The following MAP1B variants were observed in gnomAD, a reference collection of about 807,000 sequenced individuals.
MAP1B encodes the protein microtubule associated protein 1B.
A neutral mutation model predicts 176.1 loss-of-function variants in MAP1B; 12 were observed. The observed-to-expected ratio is 0.07, with a 90% confidence interval of 0.04 to 0.11. The LOEUF is 0.11. MAP1B is among the 10% of genes least tolerant of loss of function. The pLI, the probability that MAP1B is intolerant of heterozygous loss-of-function variation, is 1.00. For synonymous variants in MAP1B, 1,044 were observed against 1,135.0 expected, an observed-to-expected ratio of 0.92 and a Z score of 1.61; for missense variants, 2,523 against 2,990.5, an observed-to-expected ratio of 0.84 and a Z score of 3.65.
At chr5:72,178,249 T>C (rs1265462002) in intron 2 of MAP1B, among the ~76,000 whole-genome samples, 2 of 152,178 alleles carry the variant, frequency 1.3e-5, no homozygotes, top group Non-Finnish European at 2.9e-5. Context: ...GTGATCCACC[T>C]GCCTCGGCCT....
Position 72,186,603 on chromosome 5 carries a change from C to G in MAP1B, c.370-11C>G, listed in dbSNP as rs754424957. On this transcript the variant is annotated splice_polypyrimidine_tract_variant and intron_variant, in intron 3 of 6. Coordinates refer to ENST00000296755, the MANE Select transcript of MAP1B (RefSeq NM_005909.5). The surrounding 1 kb of genome is among the most constrained non-coding windows in gnomAD (Gnocchi z 4.3). ...CATGGCTCAGGGCCTACGTTCTGTG[C>G]TTTATTTCAGGTGCGCTTAATGATC... 6 of 1,613,668 alleles carry G rather than the reference C, an allele frequency of 3.7e-6. No individual in the cohort carries two copies. Among genetic ancestry groups the G allele is most frequent in the Admixed American group, 3.3e-5 (2 of 60,026 alleles).
intron 2 of MAP1B, among the ~76,000 whole-genome samples, chr5:72,161,956 C>CAAAAAAAAA (rs4043357): frequency 1.8e-4 from 15 of 84,990 alleles, no homozygotes; most frequent in African/African-American, 3.5e-4. Flanking sequence ...AATTCCGTCT[C>CAAAAAAAAA]AAAAAAAAAA....
intron 2 of MAP1B, among the ~76,000 whole-genome samples, chr5:72,128,492 C>A (rs554946031): frequency 6.6e-6 from 1 of 151,692 alleles, no homozygotes; most frequent in African/African-American, 2.4e-5. Context: ...CTAGGTTATT[C>A]GAAGAAAATA....
chr5:72,201,966 A>T (rs1747341731), intron 5 of MAP1B, among the ~76,000 whole-genome samples: 1 of 152,230 alleles, frequency 6.6e-6, no homozygotes, highest in Non-Finnish European at 1.5e-5. Context: ...ATCCATTTAA[A>T]CAGATAAAAC....
chr5:72,197,535 G>A lies in MAP1B; in HGVS notation c.4180G>A (p.Val1394Ile). Residue 1394 changes from valine (V) to isoleucine (I), a missense_variant, in exon 5 of 7, where the codon GTT becomes ATT. Coordinates refer to ENST00000296755, the MANE Select transcript of MAP1B (RefSeq NM_005909.5). ...TGACTCAGAGTCTCCTATTGAAAAA[G>A]TTTTGTCTCCTTTACGCAGCCCGCC... The part of the protein sequence containing the change: ...VPDSESPIEK[V>I]LSPLRSPPLI... 6.2e-7 allele frequency: 1 copy of A among 1,614,160 alleles called. No individual in the cohort carries two copies. Among genetic ancestry groups the A allele is most frequent in the Non-Finnish European group, 8.5e-7 (1 of 1,180,012 alleles).
chr5:72,109,634 G>A (rs1029778907), intron 1 of MAP1B, among the ~76,000 whole-genome samples: 2 of 152,216 alleles, frequency 1.3e-5, no homozygotes, highest in African/African-American at 2.4e-5. Flanking sequence ...GGGGCCCAGA[G>A]AGGCAGGAAG....
At position 72,186,580 on chromosome 5, in the gene MAP1B, T is replaced by C; in HGVS notation, c.370-34T>C. ...GAAGGTGGGATGGCAGCACTGCCCA[T>C]GGCTCAGGGCCTACGTTCTGTGCTT... On this transcript the variant is annotated intron_variant, in intron 3 of 6. Coordinates refer to ENST00000296755, the MANE Select transcript of MAP1B (RefSeq NM_005909.5). This position sits in a 1 kb window ranked among gnomAD's most constrained non-coding sequence, Gnocchi z 4.3. 6.2e-7 allele frequency: 1 copy of C among 1,609,848 alleles called. No individual in the cohort carries two copies. Among genetic ancestry groups the C allele is most frequent in the Non-Finnish European group, 8.5e-7 (1 of 1,177,890 alleles).
chr5:72,152,352 C>A (rs1197098918), intron 2 of MAP1B, among the ~76,000 whole-genome samples: 1 of 152,158 alleles, frequency 6.6e-6, no homozygotes, highest in Non-Finnish European at 1.5e-5. Flanking sequence ...CCGTTCACTC[C>A]CCTTCCTACC....
chr5:72,169,145 T>A (rs1297748017), intron 2 of MAP1B, among the ~76,000 whole-genome samples: 1 of 152,118 alleles, frequency 6.6e-6, no homozygotes, highest in Non-Finnish European at 1.5e-5. Context: ...CAAAATGAAA[T>A]CTAACGATGC....
In MAP1B at chr5:72,186,343, A is replaced by G. The variant is rs192257841; in HGVS notation, c.370-271A>G. Among the ~76,000 whole-genome samples the G allele has an allele frequency of 2.6e-4, 39 of 152,334 alleles. No individual in the cohort carries two copies. Among genetic ancestry groups the G allele is most frequent in the Admixed American group, 2.0e-3 (31 of 15,308 alleles). On this transcript the variant is annotated intron_variant, in intron 3 of 6. Transcript: ENST00000296755. This position sits in a 1 kb window ranked among gnomAD's most constrained non-coding sequence, Gnocchi z 4.3. ...GGAAACTAGGGGGAGAAAGTCAACTATCGCTACTGTCGTGATTGTAGAGAA... is the reference window on the plus strand; with the variant it reads ...GGAAACTAGGGGGAGAAAGTCAACTGTCGCTACTGTCGTGATTGTAGAGAA...
chr5:72,176,608 G>C (rs778734044), intron 2 of MAP1B, among the ~76,000 whole-genome samples: 2 of 152,200 alleles, frequency 1.3e-5, no homozygotes, highest in Non-Finnish European at 2.9e-5. Flanking sequence ...GCTGTGTTCT[G>C]GTGATGGACT....
At chr5:72,163,883 T>C (rs1746370814) in intron 2 of MAP1B, among the ~76,000 whole-genome samples, 1 of 151,658 alleles carries the variant, frequency 6.6e-6, no homozygotes. Flanking sequence ...ATATGACTTT[T>C]TTCTTTTTTC....
At chr5:72,113,100 A>T (rs1435655569) in intron 1 of MAP1B, among the ~76,000 whole-genome samples, 1 of 152,188 alleles carries the variant, frequency 6.6e-6, no homozygotes, top group African/African-American at 2.4e-5. Context: ...TGCAATATGA[A>T]CCTTCATTAA....
chr5:72,152,920 TG>T lies in MAP1B; in HGVS notation c.287-30821del, dbSNP rs538497209. ...GGCCTGCTGGGTCTGCTGGGCCTGC[TG>T]GAACAGGAAGCAGCAACGCAATTCC... is the stretch of plus-strand genomic sequence containing the variant. On this transcript the variant is annotated intron_variant, in intron 2 of 6. Transcript: ENST00000296755. Among the ~76,000 whole-genome samples the T allele has an allele frequency of 4.5e-4, 68 of 152,220 alleles. 1 individual carries two copies. The South Asian group carries it at 0.013, about 30-fold the overall frequency.
In MAP1B at chr5:72,205,137, G is replaced by T. The variant is rs374861413; in HGVS notation, c.7305G>T (p.Glu2435Asp). 1 of 1,613,760 alleles carries T rather than the reference G, an allele frequency of 6.2e-7. No homozygotes were observed. ...DSEVMREWYQ[E>D]THEKQQDLNI... ...AAGTGATGAGGGAATGGTACCAGGA[G>T]ACCCATGAGAAACAGCAAGATCTCA... The change falls in exon 7 of 7, where the codon GAG becomes GAT. Residue 2435 changes from glutamate (E) to aspartate (D), a missense_variant. Coordinates refer to ENST00000296755, the MANE Select transcript of MAP1B (RefSeq NM_005909.5).
At chr5:72,163,227 C>CAAAAAAA (rs10608907) in intron 2 of MAP1B, among the ~76,000 whole-genome samples, 17 of 78,136 alleles carry the variant, frequency 2.2e-4, no homozygotes, top group South Asian at 5.3e-4. Context: ...GACTCCATCT[C>CAAAAAAA]AAAAAAAAAA....
chr5:72,174,791 C>T (rs1356972457), intron 2 of MAP1B, among the ~76,000 whole-genome samples: 1 of 152,194 alleles, frequency 6.6e-6, no homozygotes. Context: ...GTCATTAGAG[C>T]TTAAGTAAGT....
chr5:72,196,748 C>T lies in MAP1B; in HGVS notation c.3393C>T (p.Thr1131=). Reference sequence around the variant, plus strand: ...CTATTGAGATATCCAGTGAGCCCACCCCCATGGATGAGATGTCTACCCCTC... The same window carrying T: ...CTATTGAGATATCCAGTGAGCCCACTCCCATGGATGAGATGTCTACCCCTC... ...QSTIEISSEP[T]PMDEMSTPRD... is the part of the protein sequence containing the mutation. Residue 1131 remains threonine (T), a synonymous_variant, in exon 5 of 7, where the codon ACC becomes ACT. Transcript: ENST00000296755. This position sits in a 1 kb window ranked among gnomAD's most constrained non-coding sequence, Gnocchi z 5.3. 6.2e-7 allele frequency: 1 copy of T among 1,614,120 alleles called. No homozygotes were observed. Among genetic ancestry groups the T allele is most frequent in the Non-Finnish European group, 8.5e-7 (1 of 1,180,024 alleles).
intron 2 of MAP1B, among the ~76,000 whole-genome samples, chr5:72,116,923 C>T (rs957029389): frequency 3.3e-5 from 5 of 152,064 alleles, no homozygotes; most frequent in Non-Finnish European, 4.4e-5. Context: ...TCAGTGCCTT[C>T]GTGAATCACA....
Sources: allele counts gnomAD v4.1 joint callset (sites outside exome capture counted in the v4.1 genomes callset), GRCh38; gene constraint gnomAD v4.1.1; non-coding constraint Gnocchi (gnomAD v3.1); transcripts MANE v1.5; gene names NCBI Gene and HGNC (gene_info 2026-07-23, HGNC 2026-07-21).